Variants in PABPC4 observed in about 807,000 individuals in gnomAD.
PABPC4 encodes poly(A) binding protein cytoplasmic 4, also known as polyadenylate-binding protein 4.
A neutral mutation model predicts 74.5 loss-of-function variants in PABPC4; 15 were observed. The observed-to-expected ratio is 0.20, with a 90% CI of 0.13 to 0.31. The LOEUF (loss-of-function observed/expected upper bound fraction) is 0.31. Ranked by LOEUF, PABPC4 falls within the 10% of genes least tolerant of loss-of-function variation. The pLI, the probability that PABPC4 is intolerant of heterozygous loss-of-function variation, is 1.00. For missense variants in PABPC4, 610 were observed against 853.5 expected (o/e 0.71, Z 3.55); for synonymous variants, 345 against 303.0 (o/e 1.14, Z -1.44).
Position 39,565,282 on chromosome 1 carries a change from T to G in PABPC4, c.1069A>C (p.Ile357Leu), listed in dbSNP as rs1458961794. The G allele has an allele frequency of 6.2e-7, 1 of 1,614,228 alleles. No individual in the cohort carries two copies. The highest frequency in any genetic ancestry group is 2.2e-5 in the East Asian group (1 of 44,886). ...TKAVTEMNGR[I>L]VGSKPLYVAL... Reference sequence around the variant, plus strand: ...ACATATAGTGGCTTGGAGCCCACAATGCGTCCATTCATCTCAGTGACTGCT... The same window carrying G: ...ACATATAGTGGCTTGGAGCCCACAAGGCGTCCATTCATCTCAGTGACTGCT... Residue 357 changes from isoleucine (I) to leucine (L), a missense_variant, in exon 8 of 16, where the codon ATT becomes CTT. Transcript: ENST00000372858.
At chr1:39,568,584 A>C in intron 6 of PABPC4, 1 of 455,032 alleles carries the variant, frequency 2.2e-6, no homozygotes, top group Non-Finnish European at 3.8e-6. Flanking sequence ...CTTCCAAAAT[A>C]GAGAGCTTCT....
chr1:39,567,895 C>T (rs752216153), intron 6 of PABPC4, 49 bp from the exon 7 acceptor site: 7 of 1,111,142 alleles, frequency 6.3e-6, no homozygotes, highest in Non-Finnish European at 9.5e-6. Flanking sequence ...CACAAATATT[C>T]CCTAAGAAAG....
At position 39,576,469 on chromosome 1, in the gene PABPC4, C is replaced by G. The variant is rs1360879220; in HGVS notation, c.-518G>C. The stretch of plus-strand genomic sequence containing the variant: ...CGGGCGGCGAAGGGCAGCACGGACA[C>G]GTGGTGCGCCGGGGCAGGCGCGGGG... On this transcript the variant is annotated 5_prime_UTR_variant, in exon 1 of 16. Coordinates refer to ENST00000372858, the MANE Select transcript of PABPC4 (RefSeq NM_001135653.2). The G allele has an allele frequency of 6.7e-6, 1 of 150,072 alleles. No homozygotes were observed. The highest frequency in any genetic ancestry group is 1.5e-5 in the Non-Finnish European group (1 of 67,220). 9.3% of individuals were successfully genotyped at this position (150,072 alleles called of 1,614,324 possible).
chr1:39,569,237 G>T (rs1645898943), intron 5 of PABPC4, among the ~76,000 whole-genome samples: 1 of 152,204 alleles, frequency 6.6e-6, no homozygotes, highest in South Asian at 2.1e-4. Flanking sequence ...GCTTTTGTGG[G>T]TATTTAAGTG....
chr1:39,575,292 CACA>C (rs542074281), intron 1 of PABPC4, among the ~76,000 whole-genome samples: 1 of 152,188 alleles, frequency 6.6e-6, no homozygotes, highest in Non-Finnish European at 1.5e-5. Context: ...CCTTTATCAG[CACA>C]ACATCAGGTA....
chr1:39,565,065 C>A, intron 8 of PABPC4, 41 bp downstream of exon 8: 2 of 1,605,524 alleles, frequency 1.2e-6, no homozygotes, highest in Non-Finnish European at 1.7e-6. Flanking sequence ...ATACTGCCAG[C>A]CGGCAGGTTC....
intron 3 of PABPC4, among the ~76,000 whole-genome samples, chr1:39,570,315 A>G (rs1645920671): frequency 6.6e-6 from 1 of 152,266 alleles, no homozygotes; most frequent in Admixed American, 6.5e-5. Flanking sequence ...AAATGCATAG[A>G]AAAGGTCTGG....
chr1:39,562,430 A>C lies in PABPC4; in HGVS notation c.1669-14T>G, dbSNP rs1439469494. The C allele has an allele frequency of 1.2e-6, 2 of 1,606,532 alleles. No individual in the cohort carries two copies. The highest frequency in any genetic ancestry group is 8.5e-7 in the Non-Finnish European group (1 of 1,174,038). On this transcript the variant is annotated splice_polypyrimidine_tract_variant and intron_variant, in intron 12 of 15. Transcript: ENST00000372858. ...AGGCTGGGGTGCCTGGGAACCAGGAAAGGCAGTGGGTTAGCACTGAGGAAA... is the reference window on the plus strand; with the variant it reads ...AGGCTGGGGTGCCTGGGAACCAGGACAGGCAGTGGGTTAGCACTGAGGAAA...
At chr1:39,562,779 T>C (rs1645783773) in intron 12 of PABPC4, 1 of 186,430 alleles carries the variant, frequency 5.4e-6, no homozygotes, top group Admixed American at 5.8e-5. Context: ...CACTTGTATA[T>C]AACCTTTTCC....
In PABPC4 at chr1:39,561,050, G is replaced by A; in HGVS notation, c.*86C>T. On this transcript the variant is annotated 3_prime_UTR_variant, in exon 16 of 16. Coordinates refer to ENST00000372858, the MANE Select transcript of PABPC4 (RefSeq NM_001135653.2). ...TGCAATTTGTAATCCTTGGTGTTGA[G>A]GTCCATAGGACAAGCTAGGAAGTCT... The A allele has an allele frequency of 4.4e-6, 2 of 452,186 alleles. No homozygotes were observed. The highest frequency in any genetic ancestry group is 9.2e-6 in the Non-Finnish European group (2 of 216,842). 28.0% of individuals were successfully genotyped at this position (452,186 alleles called of 1,614,324 possible).
intron 12 of PABPC4, chr1:39,563,361 G>T (rs140421067): frequency 4.4e-6 from 2 of 453,552 alleles, no homozygotes; most frequent in Non-Finnish European, 7.9e-6. Flanking sequence ...ACATTATTTC[G>T]TACAAACAGA....
intron 7 of PABPC4, among the ~76,000 whole-genome samples, chr1:39,565,708 A>G (rs559934825): frequency 1.3e-5 from 2 of 152,090 alleles, no homozygotes; most frequent in Admixed American, 1.3e-4. Context: ...CACACCTGTA[A>G]TCCTAGCTAC....
chr1:39,565,879 CCAAA>C (rs1216078349), intron 7 of PABPC4, among the ~76,000 whole-genome samples: 4 of 151,584 alleles, frequency 2.6e-5, no homozygotes, highest in Non-Finnish European at 5.9e-5. Flanking sequence ...CACCAACCAA[CCAAA>C]CCAACAAAAA....
intron 3 of PABPC4, 38 bp from the exon 4 acceptor site, chr1:39,570,040 G>A (rs748422434): frequency 4.3e-5 from 69 of 1,599,150 alleles, no homozygotes; most frequent in Non-Finnish European, 5.6e-5. Context: ...TTACCCAGAG[G>A]AATAAAACAT....
At chr1:39,568,622 G>C (rs1645889046) in intron 6 of PABPC4, 180 bp downstream of exon 6, 1 of 514,116 alleles carries the variant, frequency 1.9e-6, no homozygotes, top group African/African-American at 2.0e-5. Flanking sequence ...TCTTGTTTCT[G>C]GTTCTATAAT....
At chr1:39,563,809 C>T (rs1008867785) in intron 11 of PABPC4, 27 bp downstream of exon 11, 1 of 1,614,042 alleles carries the variant, frequency 6.2e-7, no homozygotes, top group African/African-American at 1.3e-5. Context: ...TCCCATCTTT[C>T]CCCCTTCTGT....
rs756686209 is a variant in PABPC4, at chr1:39,561,702, G to C, written c.1979C>G (p.Ser660Cys). Residue 660 changes from serine (S) to cysteine (C), a missense_variant, in exon 15 of 16, where the codon TCT (serine) becomes TGT (cysteine). Physicochemically the swap from Ser to Cys is moderately radical, Grantham distance 112 (BLOSUM62 -1). Coordinates refer to ENST00000372858, the MANE Select transcript of PABPC4 (RefSeq NM_001135653.2). ...ACACATACGGTTTTTCCTTGTCTAAGAGGTAGCAGCAGCAACAGCGCCCAC... is the reference window on the plus strand; with the variant it reads ...ACACATACGGTTTTTCCTTGTCTAACAGGTAGCAGCAGCAACAGCGCCCAC... ...QKVGAVAAAT[S>C] The C allele has an allele frequency of 1.2e-6, 2 of 1,612,264 alleles. No homozygotes were observed. The highest frequency in any genetic ancestry group is 1.7e-5 in the Admixed American group (1 of 59,988).
intron 7 of PABPC4, chr1:39,567,372 G>GA (rs1265460579): frequency 1.9e-6 from 1 of 521,376 alleles, no homozygotes; most frequent in Admixed American, 1.9e-5. Context: ...TTCTCAAGGA[G>GA]AAAATGTGGC....
intron 1 of PABPC4, among the ~76,000 whole-genome samples, chr1:39,574,347 C>A (rs1462364946): frequency 1.3e-5 from 2 of 152,248 alleles, no homozygotes; most frequent in Non-Finnish European, 2.9e-5. Flanking sequence ...AGCTCCTCGT[C>A]TATTTCCAGA....
Sources: gnomAD v4.1 joint callset for allele counts (sites outside exome capture counted in the v4.1 genomes callset) on GRCh38, gnomAD v4.1.1 for gene constraint, MANE v1.5 for transcripts, NCBI Gene and HGNC (gene_info 2026-07-23, HGNC 2026-07-21) for gene names.